ADCY5: variants seen among roughly 807,000 people sequenced by gnomAD.
ADCY5 encodes the protein adenylate cyclase type 5.
ADCY5 carries 30 observed loss-of-function variants against 119.7 expected under a neutral mutation model. That is an observed-to-expected ratio of 0.25 (90% confidence interval 0.19 to 0.34). ADCY5 has a LOEUF of 0.34. Ranked by LOEUF, ADCY5 falls within the 10% of genes least tolerant of loss-of-function variation. The pLI is 1.00. For synonymous variants in ADCY5, 753 were observed against 762.2 expected, an observed-to-expected ratio of 0.99 and a Z score of 0.20; for missense variants, 1,324 against 1,775.2, an observed-to-expected ratio of 0.75 and a Z score of 4.57.
At chr3:123,360,398 G>C (rs893989145) in intron 1 of ADCY5, among the ~76,000 whole-genome samples, 1 of 152,080 alleles carries the variant, frequency 6.6e-6, no homozygotes, top group Non-Finnish European at 1.5e-5. Context: ...CCCATCAAGA[G>C]CTTAGGATGC....
chr3:123,432,221 A>C lies in ADCY5; in HGVS notation c.1134+15191T>G, dbSNP rs961828044. ...GCTATTTCCTGGGACTGCTTTGAAA[A>C]GAATAAACAATCCTCTTTGGAATTT... On this transcript the variant is annotated intron_variant, in intron 1 of 20. Transcript: ENST00000462833. Among the ~76,000 whole-genome samples the C allele has an allele frequency of 8.5e-5, 13 of 152,248 alleles. 1 individual carries two copies. Among genetic ancestry groups the C allele is most frequent in the African/African-American group, 3.1e-4 (13 of 41,468 alleles).
chr3:123,298,514 T>A (rs181030826), intron 15 of ADCY5, among the ~76,000 whole-genome samples: 1 of 152,278 alleles, frequency 6.6e-6, no homozygotes, highest in African/African-American at 2.4e-5. Context: ...TGCTCCACTG[T>A]CCCATCTCTT....
intron 1 of ADCY5, among the ~76,000 whole-genome samples, chr3:123,396,784 A>C (rs1219020223): frequency 1.1e-5 from 1 of 88,042 alleles, no homozygotes; most frequent in East Asian, 3.9e-4. Flanking sequence ...GAAGGAAGGC[A>C]GGCAGGCAGG....
rs2108148749 is a variant in ADCY5 at position 123,284,682 on chromosome 3, G to A, written c.3712C>T (p.Arg1238Trp). ...TTGCCCTTGACCTTGACCACGCCCC[G>A]GCACTCCAGCTGGTACGTGTTGGCA... ...LAANTYQLEC[R>W]GVVKVKGKGE... is the part of the protein sequence containing the mutation. The change falls in exon 21 of 21, where the codon CGG becomes TGG. Residue 1238 changes from arginine to tryptophan, a missense_variant. Transcript: ENST00000462833. 1 of 1,614,216 alleles carries A rather than the reference G, an allele frequency of 6.2e-7. No homozygotes were observed. The highest frequency in any genetic ancestry group is 8.5e-7 in the Non-Finnish European group (1 of 1,180,022).
At chr3:123,371,467 A>AT (rs1254491355) in intron 1 of ADCY5, among the ~76,000 whole-genome samples, 3 of 152,242 alleles carry the variant, frequency 2.0e-5, no homozygotes, top group Non-Finnish European at 2.9e-5. Context: ...AGTGGAGAAG[A>AT]TAAGAACATC....
chr3:123,362,865 T>C (rs1943300948), intron 1 of ADCY5, among the ~76,000 whole-genome samples: 1 of 152,120 alleles, frequency 6.6e-6, no homozygotes, highest in African/African-American at 2.4e-5. Context: ...AAAAAAAGGC[T>C]GGGCACAGTG....
intron 1 of ADCY5, among the ~76,000 whole-genome samples, chr3:123,431,923 T>C (rs573561414): frequency 6.6e-6 from 1 of 152,162 alleles, no homozygotes; most frequent in Non-Finnish European, 1.5e-5. Flanking sequence ...GGGCAGTAGT[T>C]CTCAATCCTG....
At chr3:123,366,099 G>A (rs114557876) in intron 1 of ADCY5, among the ~76,000 whole-genome samples, 2,259 of 152,114 alleles carry the variant, frequency 0.015, 49 homozygotes, top group African/African-American at 0.051. Flanking sequence ...TGGATATATT[G>A]GGTAAATAAA....
chr3:123,288,190 C>T (rs549777659), intron 19 of ADCY5, among the ~76,000 whole-genome samples: 1 of 152,318 alleles, frequency 6.6e-6, no homozygotes, highest in African/African-American at 2.4e-5. Flanking sequence ...AGGGAAAGCC[C>T]GATTCCTGAC....
chr3:123,299,333 A>C (rs1939699820), intron 15 of ADCY5, among the ~76,000 whole-genome samples: 1 of 152,190 alleles, frequency 6.6e-6, no homozygotes, highest in African/African-American at 2.4e-5. Flanking sequence ...CCAGCTTCCA[A>C]CAAAACTTGA....
chr3:123,311,038 A>T (rs186718985), intron 12 of ADCY5, among the ~76,000 whole-genome samples: 1 of 152,334 alleles, frequency 6.6e-6, no homozygotes, highest in East Asian at 1.9e-4. Flanking sequence ...TCTCTCTTCG[A>T]AAAGGTTAAA....
At chr3:123,367,678 C>A (rs545827649) in intron 1 of ADCY5, among the ~76,000 whole-genome samples, 6 of 151,962 alleles carry the variant, frequency 3.9e-5, no homozygotes, top group African/African-American at 1.4e-4. Flanking sequence ...GATTCAGGGG[C>A]GGGAAGAAGG....
intron 1 of ADCY5, among the ~76,000 whole-genome samples, chr3:123,428,156 C>T (rs1945449845): frequency 6.6e-6 from 1 of 152,142 alleles, no homozygotes. Context: ...TACTTTTGTC[C>T]CCATAGCACT....
intron 4 of ADCY5, among the ~76,000 whole-genome samples, chr3:123,331,402 A>T (rs1941758135): frequency 6.6e-6 from 1 of 152,138 alleles, no homozygotes; most frequent in East Asian, 1.9e-4. Flanking sequence ...TCCCCTCCAC[A>T]CCCCAGGAGT....
intron 3 of ADCY5, among the ~76,000 whole-genome samples, chr3:123,335,675 G>T (rs1941989388): frequency 6.6e-6 from 1 of 152,146 alleles, no homozygotes; most frequent in East Asian, 1.9e-4. Context: ...CCTGAGAGGG[G>T]TCACTCTCAG....
At chr3:123,408,516 C>T (rs746497357) in intron 1 of ADCY5, among the ~76,000 whole-genome samples, 2 of 151,102 alleles carry the variant, frequency 1.3e-5, no homozygotes, top group African/African-American at 4.9e-5. Context: ...ATTAGCTGGG[C>T]ACAGTGGCAT....
intron 1 of ADCY5, among the ~76,000 whole-genome samples, chr3:123,411,941 T>C (rs1422415630): frequency 1.3e-5 from 2 of 152,078 alleles, no homozygotes; most frequent in Admixed American, 1.3e-4. Context: ...TGGGCCCAGG[T>C]ACCAAGCCCA....
chr3:123,445,518 C>T (rs1322129696), intron 1 of ADCY5, among the ~76,000 whole-genome samples: 1 of 152,172 alleles, frequency 6.6e-6, no homozygotes, highest in Non-Finnish European at 1.5e-5. Context: ...AAGCTACATC[C>T]ACCCAAATCA....
At chr3:123,375,673 T>C (rs1943802491) in intron 1 of ADCY5, among the ~76,000 whole-genome samples, 1 of 152,244 alleles carries the variant, frequency 6.6e-6, no homozygotes, top group Non-Finnish European at 1.5e-5. Context: ...AGGCCAGTCA[T>C]TCTAACAGCT....
Sources: allele counts gnomAD v4.1 joint callset (sites outside exome capture counted in the v4.1 genomes callset), GRCh38; gene constraint gnomAD v4.1.1; transcripts MANE v1.5; gene names NCBI Gene and HGNC (gene_info 2026-07-23, HGNC 2026-07-21).